Variants in NLRP5 observed in about 807,000 individuals in gnomAD.
NLRP5 encodes NACHT, LRR and PYD domains-containing protein 5.
In NLRP5, 93 loss-of-function variants were observed where a neutral mutation model predicts 113.1. The observed-to-expected ratio is 0.82, with a 90% CI of 0.70 to 0.98. The LOEUF (loss-of-function observed/expected upper bound fraction) is 0.98. NLRP5 is among the 50% of genes least tolerant of loss of function. The pLI, the probability that NLRP5 is intolerant of heterozygous loss-of-function variation, is 0.00. For synonymous variants in NLRP5, 751 were observed against 600.7 expected (o/e 1.25, Z -3.66); for missense variants, 1,808 against 1,514.3 (o/e 1.19, Z -3.22).
intron 7 of NLRP5, among the ~76,000 whole-genome samples, chr19:56,030,168 G>A (rs186976300): frequency 8.2e-4 from 125 of 151,950 alleles, no homozygotes; most frequent in South Asian, 2.7e-3. Flanking sequence ...TCAGGAGTTC[G>A]AGACCAGCCT....
At chr19:56,038,592 C>T (rs923357081) in intron 10 of NLRP5, among the ~76,000 whole-genome samples, 15 of 152,152 alleles carry the variant, frequency 9.9e-5, no homozygotes, top group African/African-American at 3.6e-4. Flanking sequence ...AGGCTCCCCT[C>T]TGCCTGGTAA....
In NLRP5 at chr19:56,033,484, A is replaced by G; in HGVS notation, c.2448-58A>G. ...GAATGGGAGAAGGATGGGAAGGAAA[A>G]ATGAGGATACAACTAAACATCACCA... On this transcript the variant is annotated intron_variant, in intron 8 of 14. Coordinates refer to ENST00000390649, the MANE Select transcript of NLRP5 (RefSeq NM_153447.4). The G allele has an allele frequency of 2.2e-6, 3 of 1,338,444 alleles. No homozygotes were observed. The South Asian group carries it at 3.9e-5, about 17-fold the overall frequency. 82.9% of individuals were successfully genotyped at this position (1,338,444 alleles called of 1,614,324 possible).
intron 3 of NLRP5, among the ~76,000 whole-genome samples, chr19:56,010,741 T>A (rs866532977): frequency 1.6e-3 from 9 of 5,622 alleles, no homozygotes; most frequent in African/African-American, 4.0e-3. Context: ...TAACTCTGTC[T>A]CAAAAAAAAA....
At chr19:56,058,448 G>T in intron 14 of NLRP5, 38 bp downstream of exon 14, 2 of 1,558,320 alleles carry the variant, frequency 1.3e-6, no homozygotes, top group South Asian at 1.2e-5. Context: ...ATACAGACCT[G>T]CTTCTGTTCC....
chr19:56,004,692 T>C (rs1046912645), intron 2 of NLRP5, among the ~76,000 whole-genome samples: 12 of 152,048 alleles, frequency 7.9e-5, no homozygotes, highest in Non-Finnish European at 1.5e-4. Context: ...TTAGGGTACT[T>C]AGGAGAAAGG....
At chr19:56,024,525 G>T (rs1568489571) in intron 6 of NLRP5, among the ~76,000 whole-genome samples, 1 of 88,322 alleles carries the variant, frequency 1.1e-5, no homozygotes, top group Non-Finnish European at 2.3e-5. Flanking sequence ...GTATGTATAT[G>T]TATACATATG....
intron 3 of NLRP5, among the ~76,000 whole-genome samples, chr19:56,015,278 C>T (rs918789546): frequency 1.3e-5 from 2 of 152,112 alleles, no homozygotes; most frequent in East Asian, 3.8e-4. Context: ...TCACTGAAAC[C>T]TCTGCCTCCT....
chr19:55,990,034 T>C, the NLRP5 span, among the ~76,000 whole-genome samples: 2 of 151,748 alleles, frequency 1.3e-5, no homozygotes, highest in South Asian at 4.2e-4. Flanking sequence ...TAACTTTTTT[T>C]TAAAGTACAT....
At chr19:56,017,243 CTG>C (rs1982442106) in intron 4 of NLRP5, among the ~76,000 whole-genome samples, 1 of 152,078 alleles carries the variant, frequency 6.6e-6, no homozygotes, top group Non-Finnish European at 1.5e-5. Context: ...AAAGAACAAA[CTG>C]GTAGGTTTGT....
intron 14 of NLRP5, among the ~76,000 whole-genome samples, chr19:56,059,880 C>T (rs1006062108): frequency 6.6e-6 from 1 of 152,120 alleles, no homozygotes; most frequent in African/African-American, 2.4e-5. Context: ...ACTGTTTTCT[C>T]CAGTATGGTC....
chr19:56,050,450 G>T lies in NLRP5; in HGVS notation c.2990G>T (p.Cys997Phe). 1 of 1,613,954 alleles carries T rather than the reference G, an allele frequency of 6.2e-7. No homozygotes were observed. The highest frequency in any genetic ancestry group is 8.5e-7 in the Non-Finnish European group (1 of 1,179,886). ...CAGTGCCACCTGGACACGGCTGGCT[G>T]TGGTTTTCTTGCACTTGCGCTTATG... The change falls in exon 12 of 15, where the codon TGT becomes TTT. Residue 997 changes from cysteine to phenylalanine, a missense_variant. Physicochemically the swap from Cys to Phe is radical, Grantham distance 205 (BLOSUM62 -2). Transcript: ENST00000390649.
chr19:56,020,904 C>T (rs904581466), intron 6 of NLRP5, among the ~76,000 whole-genome samples: 6 of 146,942 alleles, frequency 4.1e-5, no homozygotes, highest in Admixed American at 2.1e-4. Context: ...GAAGGAGTCT[C>T]GCTGTGTCGC....
intron 12 of NLRP5, among the ~76,000 whole-genome samples, 166 bp downstream of exon 12, chr19:56,050,754 G>A (rs146723373): frequency 9.2e-5 from 14 of 152,268 alleles, no homozygotes; most frequent in African/African-American, 1.2e-4. Context: ...TTGACACCAC[G>A]GTGAGCATGG....
intron 12 of NLRP5, among the ~76,000 whole-genome samples, chr19:56,053,158 G>C (rs772575435): frequency 1.4e-4 from 22 of 152,186 alleles, no homozygotes; most frequent in South Asian, 4.1e-4. Context: ...CACTTTGAGA[G>C]GCCGAGGCAG....
At chr19:56,011,182 T>C (rs962773262) in intron 3 of NLRP5, among the ~76,000 whole-genome samples, 3 of 127,276 alleles carry the variant, frequency 2.4e-5, no homozygotes, top group Non-Finnish European at 3.5e-5. Context: ...CATACATTAA[T>C]GTATGCTACA....
chr19:56,013,712 T>A (rs1982301425), intron 3 of NLRP5, among the ~76,000 whole-genome samples: 1 of 148,896 alleles, frequency 6.7e-6, no homozygotes, highest in African/African-American at 2.5e-5. Context: ...GTGGAAGTGG[T>A]GGGTCATATG....
In NLRP5 at chr19:56,038,034, C is replaced by T; in HGVS notation, c.2625C>T (p.Cys875=). 1 of 1,613,936 alleles carries T rather than the reference C, an allele frequency of 6.2e-7. No homozygotes were observed. Among genetic ancestry groups the T allele is most frequent in the Non-Finnish European group, 8.5e-7 (1 of 1,179,872 alleles). Residue 875 remains cysteine, a synonymous_variant, in exon 10 of 15, where the codon TGC becomes TGT. Transcript: ENST00000390649. ...CTGCCTGTCTCTGCAGGCTGGATTG[C>T]TGTGGATTGACCCATGCCTGTTACC...
chr19:56,053,345 G>A (rs980866546), intron 12 of NLRP5, among the ~76,000 whole-genome samples: 3 of 151,936 alleles, frequency 2.0e-5, no homozygotes, highest in South Asian at 2.1e-4. Context: ...GCAGTGAGCC[G>A]AGATCACACC....
chr19:56,021,755 G>A (rs1208960913), intron 6 of NLRP5, among the ~76,000 whole-genome samples: 2 of 152,172 alleles, frequency 1.3e-5, no homozygotes, highest in Non-Finnish European at 2.9e-5. Flanking sequence ...CTTTGGGGCT[G>A]TTAACAGTGT....
Sources: gnomAD v4.1 joint callset for allele counts (sites outside exome capture counted in the v4.1 genomes callset) on GRCh38, gnomAD v4.1.1 for gene constraint, MANE v1.5 for transcripts, NCBI Gene and HGNC (gene_info 2026-07-23, HGNC 2026-07-21) for gene names.